The following UGGT1 variants were observed in gnomAD, a reference collection of about 807,000 sequenced individuals.
The protein encoded by UGGT1 is UDP-glucose:glycoprotein glucosyltransferase 1.
A neutral mutation model predicts 203.9 loss-of-function variants in UGGT1; 107 were observed. That is an observed-to-expected ratio of 0.52 (90% CI 0.45 to 0.62). The LOEUF (loss-of-function observed/expected upper bound fraction) is 0.62. Among genes scored for constraint, UGGT1 ranks in the 20% least tolerant of loss-of-function variants. UGGT1 has a pLI of 0.00. For synonymous variants in UGGT1, 628 were observed against 653.5 expected, an observed-to-expected ratio of 0.96 and a Z score of 0.59; for missense variants, 1,673 against 1,867.2, an observed-to-expected ratio of 0.90 and a Z score of 1.92.
chr2:128,168,161 C>T (rs1217415096), intron 26 of UGGT1, among the ~76,000 whole-genome samples: 2 of 152,186 alleles, frequency 1.3e-5, no homozygotes, highest in African/African-American at 4.8e-5. Flanking sequence ...GACCCGTCCC[C>T]AGAGTTTCTG....
At position 128,121,370 on chromosome 2, in the gene UGGT1, A is replaced by G. The variant is rs1409049367; in HGVS notation, c.1073+72A>G. 5.5e-6 allele frequency: 6 copies of G among 1,088,480 alleles called. No homozygotes were observed. The East Asian group carries it at 1.3e-4, about 23-fold the overall frequency. 67.4% of individuals were successfully genotyped at this position (1,088,480 alleles called of 1,614,324 possible). A position where few individuals can be genotyped will look rare whatever the true frequency, so the allele number is the denominator to read the frequency against. ...GTCATGTTCACTTGCCAAATGAGGT[A>G]ATAACAATATGAAAATTCCTAGAAA... On this transcript the variant is annotated intron_variant, in intron 10 of 40. Coordinates refer to ENST00000259253, the MANE Select transcript of UGGT1 (RefSeq NM_020120.4).
chr2:128,155,837 A>G (rs764884838), intron 20 of UGGT1, among the ~76,000 whole-genome samples: 15 of 152,104 alleles, frequency 9.9e-5, no homozygotes, highest in Non-Finnish European at 1.9e-4. Flanking sequence ...CCTTTTGACT[A>G]AAGTCAAAAG....
At position 128,176,879 on chromosome 2, in the gene UGGT1, G is replaced by A. The variant is rs141634374; in HGVS notation, c.3605G>A (p.Ser1202Asn). ...EVVIVLNNFK[S>N]KIIKVKVQKK... Reference sequence around the variant, plus strand: ...GTTATCGTCCTCAACAACTTCAAAAGCAAAATTATTAAAGTGAAGGTGAGT... The same window carrying A: ...GTTATCGTCCTCAACAACTTCAAAAACAAAATTATTAAAGTGAAGGTGAGT... The change falls in exon 32 of 41, where the codon AGC becomes AAC. Residue 1202 changes from serine to asparagine, a missense_variant. Transcript: ENST00000259253. 5.6e-6 allele frequency: 9 copies of A among 1,613,966 alleles called. No homozygotes were observed. The highest frequency in any genetic ancestry group is 7.6e-6 in the Non-Finnish European group (9 of 1,179,984).
intron 2 of UGGT1, among the ~76,000 whole-genome samples, chr2:128,098,002 C>G (rs969833168): frequency 6.6e-6 from 1 of 152,068 alleles, no homozygotes; most frequent in Admixed American, 6.6e-5. Flanking sequence ...GCTGGGATCA[C>G]GGAAGTGCCC....
chr2:128,097,396 G>A (rs1480857345), intron 1 of UGGT1, 33 bp from the exon 2 acceptor site: 2 of 1,578,552 alleles, frequency 1.3e-6, no homozygotes, highest in Admixed American at 4.0e-5. Context: ...AAATTTCCTT[G>A]TAGCAAAACT....
Position 128,178,586 on chromosome 2 carries a change from A to G in UGGT1, c.3815+17A>G. The G allele has an allele frequency of 6.4e-7, 1 of 1,570,234 alleles. No homozygotes were observed. Among genetic ancestry groups the G allele is most frequent in the Non-Finnish European group, 8.6e-7 (1 of 1,157,492 alleles). ...ATTTCTTCGGTCAGTCTTGTTGATT[A>G]TTTCATTATATATGATGAATGAATT... On this transcript the variant is annotated intron_variant, in intron 34 of 40. Coordinates refer to ENST00000259253, the MANE Select transcript of UGGT1 (RefSeq NM_020120.4).
At chr2:128,126,192 T>G (rs1426158703) in intron 11 of UGGT1, among the ~76,000 whole-genome samples, 1 of 151,834 alleles carries the variant, frequency 6.6e-6, no homozygotes, top group African/African-American at 2.4e-5. Context: ...TCTGCCTGCC[T>G]TGGCCTCCCA....
rs1248143634 is a variant in UGGT1 at position 128,194,041 on chromosome 2, T to C, written c.*4299T>C. Reference sequence around the variant, plus strand: ...GGAAGCTTTCTCTTGGTAACAAAAATGGAGGGTGTATTATGTGCAGTTATT... The same window carrying C: ...GGAAGCTTTCTCTTGGTAACAAAAACGGAGGGTGTATTATGTGCAGTTATT... On this transcript the variant is annotated 3_prime_UTR_variant, in exon 41 of 41. Coordinates refer to ENST00000259253, the MANE Select transcript of UGGT1 (RefSeq NM_020120.4). 2 of 152,208 alleles carry C rather than the reference T, an allele frequency of 1.3e-5. No individual in the cohort carries two copies. Among genetic ancestry groups the C allele is most frequent in the Non-Finnish European group, 2.9e-5 (2 of 68,026 alleles). 9.4% of individuals were successfully genotyped at this position (152,208 alleles called of 1,614,324 possible). A position where few individuals can be genotyped will look rare whatever the true frequency, so the allele number is the denominator to read the frequency against.
At chr2:128,153,304 T>C (rs1239093908) in intron 19 of UGGT1, among the ~76,000 whole-genome samples, 1 of 152,230 alleles carries the variant, frequency 6.6e-6, no homozygotes, top group African/African-American at 2.4e-5. Flanking sequence ...TGAATTTTAC[T>C]CTGAGAACTT....
At chr2:128,097,370 G>A (rs1019626166) in intron 1 of UGGT1, 59 bp from the exon 2 acceptor site, 60 of 1,555,318 alleles carry the variant, frequency 3.9e-5, no homozygotes, top group Non-Finnish European at 4.7e-5. Context: ...GCGAGACTGC[G>A]TCTCAAAAAA....
chr2:128,165,094 A>G (rs1171714969), intron 26 of UGGT1, among the ~76,000 whole-genome samples: 1 of 152,262 alleles, frequency 6.6e-6, no homozygotes, highest in East Asian at 1.9e-4. Context: ...AATAGACTGC[A>G]TTTAATTAAA....
chr2:128,136,375 C>T (rs921097358), intron 15 of UGGT1, among the ~76,000 whole-genome samples: 1 of 152,182 alleles, frequency 6.6e-6, no homozygotes, highest in Admixed American at 6.5e-5. Flanking sequence ...TTATCTCTTC[C>T]TCCCTTCCCC....
intron 2 of UGGT1, among the ~76,000 whole-genome samples, chr2:128,099,558 A>C (rs549352272): frequency 2.0e-5 from 3 of 152,318 alleles, no homozygotes; most frequent in African/African-American, 7.2e-5. Flanking sequence ...AAAAAGCCTC[A>C]TTTGATACTG....
chr2:128,138,168 G>C (rs770103791), intron 15 of UGGT1, among the ~76,000 whole-genome samples: 3 of 152,156 alleles, frequency 2.0e-5, no homozygotes, highest in Non-Finnish European at 2.9e-5. Context: ...ACGTGGAAAT[G>C]GCTTGCTTTA....
chr2:128,187,016 T>C (rs2104840631), intron 39 of UGGT1, among the ~76,000 whole-genome samples: 1 of 152,328 alleles, frequency 6.6e-6, no homozygotes, highest in Middle Eastern at 3.4e-3. Flanking sequence ...TGTTGTATAG[T>C]AAGCATAAGT....
intron 40 of UGGT1, among the ~76,000 whole-genome samples, chr2:128,188,346 A>G (rs912267208): frequency 1.2e-4 from 19 of 152,216 alleles, no homozygotes; most frequent in African/African-American, 3.6e-4. Context: ...GCCTGGCCGA[A>G]AAAAGTATTC....
At chr2:128,120,883 A>G (rs1031207122) in intron 9 of UGGT1, among the ~76,000 whole-genome samples, 23 of 152,086 alleles carry the variant, frequency 1.5e-4, no homozygotes, top group African/African-American at 5.6e-4. Flanking sequence ...TTCATGCTGT[A>G]TTTTGTGATG....
At chr2:128,185,136 A>G (rs1430021917) in intron 38 of UGGT1, among the ~76,000 whole-genome samples, 1 of 150,666 alleles carries the variant, frequency 6.6e-6, no homozygotes, top group Non-Finnish European at 1.5e-5. Context: ...TTGTTTTTGC[A>G]GAATTATTTT....
At chr2:128,104,457 G>T (rs1687513829) in intron 3 of UGGT1, among the ~76,000 whole-genome samples, 1 of 152,146 alleles carries the variant, frequency 6.6e-6, no homozygotes, top group African/African-American at 2.4e-5. Flanking sequence ...CACAACTTGA[G>T]TGTTAAGGTA....
Sources: allele counts gnomAD v4.1 joint callset (sites outside exome capture counted in the v4.1 genomes callset), GRCh38; gene constraint gnomAD v4.1.1; transcripts MANE v1.5; gene names NCBI Gene and HGNC (gene_info 2026-07-23, HGNC 2026-07-21).